THSD4: variants seen among roughly 807,000 people sequenced by gnomAD.
THSD4 encodes thrombospondin type 1 domain containing 4.
In THSD4, 69 loss-of-function variants were observed where a neutral mutation model predicts 119.0. The ratio of observed to expected loss-of-function variants is 0.58; its 90% CI spans 0.48 to 0.71. THSD4 has a LOEUF of 0.71. THSD4 is among the 30% of genes least tolerant of loss of function. The probability of loss-of-function intolerance (pLI) is 0.00; values close to 1 mark genes in which losing one functional copy is unlikely to be tolerated. For synonymous variants in THSD4, 524 were observed against 540.4 expected (o/e 0.97, Z 0.42); for missense variants, 1,393 against 1,391.1 (o/e 1.00, Z -0.02).
intron 9 of THSD4, 198 bp from the exon 10 acceptor site, chr15:71,730,923 T>C: frequency 1.8e-6 from 1 of 568,094 alleles, no homozygotes; most frequent in Non-Finnish European, 3.2e-6. Context: ...GCCTAAGTTC[T>C]TCATTCTTCA....
chr15:71,186,699 G>A (rs2043608041), intron 3 of THSD4: 1 of 152,226 alleles, frequency 6.6e-6, no homozygotes, highest in South Asian at 2.1e-4. Context: ...TCTGGTTCAA[G>A]TCTGTATTCC....
At chr15:71,581,847 G>A (rs1205263807) in intron 7 of THSD4, among the ~76,000 whole-genome samples, 1 of 151,954 alleles carries the variant, frequency 6.6e-6, no homozygotes, top group African/African-American at 2.4e-5. Context: ...TTTATTTCTG[G>A]GCTATTCCGT....
At chr15:71,199,472 T>TGATGCACGTGTGG (rs2043749864) in intron 3 of THSD4, among the ~76,000 whole-genome samples, 1 of 132,850 alleles carries the variant, frequency 7.5e-6, no homozygotes, top group Admixed American at 7.5e-5. Context: ...TGTGTGTGTG[T>TGATGCACGTGTGG]GGTGTGTGTG....
chr15:71,276,195 C>T (rs1374530694), intron 6 of THSD4, among the ~76,000 whole-genome samples: 2 of 152,216 alleles, frequency 1.3e-5, no homozygotes. Flanking sequence ...TGCCTTGGTA[C>T]ATTCTTGTGA....
intron 3 of THSD4, among the ~76,000 whole-genome samples, chr15:71,197,358 T>C (rs1158814409): frequency 6.6e-6 from 1 of 152,232 alleles, no homozygotes; most frequent in Non-Finnish European, 1.5e-5. Context: ...TGGCCATCTC[T>C]TCAATGGTTT....
chr15:71,411,872 C>G, intron 7 of THSD4, 49 bp downstream of exon 7: 12 of 1,605,740 alleles, frequency 7.5e-6, no homozygotes, highest in Non-Finnish European at 1.0e-5. Context: ...TGATCTGTGA[C>G]TGCTGACTCC....
intron 6 of THSD4, among the ~76,000 whole-genome samples, chr15:71,399,964 G>C (rs1233397691): frequency 6.6e-6 from 1 of 152,052 alleles, no homozygotes; most frequent in African/African-American, 2.4e-5. Context: ...TTTTTTTCAG[G>C]GTTTAAAAGG....
At chr15:71,721,466 C>T (rs1346125938) in intron 8 of THSD4, among the ~76,000 whole-genome samples, 1 of 151,772 alleles carries the variant, frequency 6.6e-6, no homozygotes, top group Non-Finnish European at 1.5e-5. Flanking sequence ...TGAGATTGTG[C>T]CACTGCACTC....
At chr15:71,620,212 T>C (rs1256226007) in intron 7 of THSD4, among the ~76,000 whole-genome samples, 7 of 152,170 alleles carry the variant, frequency 4.6e-5, no homozygotes, top group Non-Finnish European at 1.5e-5. Flanking sequence ...TGTTTTCTCA[T>C]CCAAAAAATT....
chr15:71,645,782 T>C (rs918447845), intron 7 of THSD4, among the ~76,000 whole-genome samples: 5 of 152,180 alleles, frequency 3.3e-5, no homozygotes, highest in African/African-American at 1.2e-4. Flanking sequence ...ATGTAGGCAA[T>C]GGATAAGAGA....
chr15:71,225,382 G>T (rs2044007402), intron 4 of THSD4, among the ~76,000 whole-genome samples: 1 of 152,058 alleles, frequency 6.6e-6, no homozygotes, highest in Non-Finnish European at 1.5e-5. Context: ...ATAAAATAAA[G>T]AGGTCCTTAT....
chr15:71,423,615 T>C (rs573535467), intron 7 of THSD4, among the ~76,000 whole-genome samples: 5 of 152,322 alleles, frequency 3.3e-5, no homozygotes, highest in Admixed American at 6.5e-5. Context: ...GTTTCTCCCA[T>C]AGAGGCAAGC....
chr15:71,418,730 G>A (rs1664983040), intron 7 of THSD4, among the ~76,000 whole-genome samples: 1 of 108,628 alleles, frequency 9.2e-6, no homozygotes, highest in South Asian at 2.9e-4. Context: ...TTTTAGAATA[G>A]TTTGAATAGG....
At position 71,215,223 on chromosome 15, in the gene THSD4, T is replaced by C. The variant is rs1001561644; in HGVS notation, c.288T>C (p.Pro96=). 1.2e-4 allele frequency: 174 copies of C among 1,401,120 alleles called. No individual in the cohort carries two copies. The African/African-American group carries it at 2.5e-3, about 20-fold the overall frequency. 86.8% of individuals were successfully genotyped at this position (1,401,120 alleles called of 1,614,324 possible). Residue 96 remains proline (P), a synonymous_variant, in exon 4 of 18, where the codon CCT becomes CCC. Transcript: ENST00000261862. ...RLRGGQRPGA[P]ARAFADHVVS... The stretch of plus-strand genomic sequence containing the variant: ...GCGGCGGCCAGCGGCCTGGCGCCCC[T>C]GCGCGCGCCTTCGCGGACCACGTGG...
chr15:71,326,156 C>T (rs2045334306), intron 6 of THSD4, among the ~76,000 whole-genome samples: 1 of 152,154 alleles, frequency 6.6e-6, no homozygotes, highest in African/African-American at 2.4e-5. Context: ...CAGACTTGGC[C>T]ACTAATGTGA....
intron 8 of THSD4, among the ~76,000 whole-genome samples, chr15:71,712,196 A>C (rs2052530462): frequency 6.6e-6 from 1 of 151,368 alleles, no homozygotes. Flanking sequence ...GGAAATCAGT[A>C]ACAGAAAGAG....
intron 2 of THSD4, among the ~76,000 whole-genome samples, chr15:71,149,842 G>T (rs571643840): frequency 6.6e-6 from 1 of 152,288 alleles, no homozygotes; most frequent in East Asian, 1.9e-4. Context: ...GGGGTGGAGA[G>T]TGGGATTGGC....
chr15:71,424,512 G>A (rs1595754713), intron 7 of THSD4, among the ~76,000 whole-genome samples: 1 of 152,264 alleles, frequency 6.6e-6, no homozygotes, highest in Middle Eastern at 3.4e-3. Flanking sequence ...CTCCAAAAAC[G>A]AGAGGATGTA....
At chr15:71,658,047 C>T (rs566092884) in intron 7 of THSD4, among the ~76,000 whole-genome samples, 1 of 152,286 alleles carries the variant, frequency 6.6e-6, no homozygotes, top group South Asian at 2.1e-4. Context: ...ATATCTCTGA[C>T]ACCCTAGTTA....
Sources: gnomAD v4.1 joint callset for allele counts (sites outside exome capture counted in the v4.1 genomes callset) on GRCh38, gnomAD v4.1.1 for gene constraint, MANE v1.5 for transcripts, NCBI Gene and HGNC (gene_info 2026-07-23, HGNC 2026-07-21) for gene names.